DHRSX: variants seen among roughly 807,000 people sequenced by gnomAD.
DHRSX encodes polyprenol dehydrogenase.
DHRSX carries 31 observed loss-of-function variants against 34.0 expected under a neutral mutation model. The ratio of observed to expected loss-of-function variants is 0.91; its 90% confidence interval spans 0.69 to 1.23. DHRSX has a LOEUF of 1.23. DHRSX is among the 50% of genes most tolerant of loss of function. The probability of loss-of-function intolerance (pLI) is 0.00; values close to 1 mark genes in which losing one functional copy is unlikely to be tolerated. For missense variants in DHRSX, 414 were observed against 428.1 expected, an observed-to-expected ratio of 0.97 and a Z score of 0.29; for synonymous variants, 201 against 183.8, an observed-to-expected ratio of 1.09 and a Z score of -0.76.
chrX:2,290,429 T>C (rs35798408), intron 4 of DHRSX, among the ~76,000 whole-genome samples: 57,297 of 151,944 alleles, frequency 0.38, 11,852 homozygotes, highest in Middle Eastern at 0.52. Flanking sequence ...TTTATGAAAA[T>C]GGTACGTTAG....
At chrX:2,289,220 C>T (rs758750188) in intron 4 of DHRSX, among the ~76,000 whole-genome samples, 79 of 151,826 alleles carry the variant, frequency 5.2e-4, no homozygotes, top group Non-Finnish European at 9.3e-4. Context: ...CAGGTTCAAG[C>T]GATTCTCCTG....
intron 1 of DHRSX, among the ~76,000 whole-genome samples, chrX:2,463,482 C>T (rs946356236): frequency 6.6e-6 from 1 of 151,262 alleles, no homozygotes. Flanking sequence ...CACTAGAGGT[C>T]TCTGATGCGA....
chrX:2,227,086 CACCCTGCACCTGCACCCCAGCCA>C (rs1403395579), intron 6 of DHRSX, among the ~76,000 whole-genome samples: 3 of 152,008 alleles, frequency 2.0e-5, no homozygotes, highest in Non-Finnish European at 4.4e-5. Flanking sequence ...GCAGCTGGAG[CACCCTGCACCTGCACCCCAGCCA>C]GCCCTGCACC....
At chrX:2,454,926 A>G (rs1253686722) in intron 1 of DHRSX, among the ~76,000 whole-genome samples, 1 of 151,950 alleles carries the variant, frequency 6.6e-6, no homozygotes, top group Admixed American at 6.6e-5. Flanking sequence ...CAGCCTGTCC[A>G]ACATGGAGAA....
intron 1 of DHRSX, among the ~76,000 whole-genome samples, chrX:2,495,048 CATT>C (rs967530213): frequency 4.7e-5 from 7 of 150,392 alleles, no homozygotes; most frequent in African/African-American, 1.2e-4. Context: ...ATTCTATTGT[CATT>C]ATTATTATTA....
chrX:2,338,230 G>A (rs1456531121), intron 3 of DHRSX, among the ~76,000 whole-genome samples: 2 of 151,898 alleles, frequency 1.3e-5, no homozygotes, highest in Non-Finnish European at 2.9e-5. Flanking sequence ...CTACTTGGGA[G>A]GCTGAGGCAG....
chrX:2,324,602 G>A (rs1185475684), intron 3 of DHRSX, among the ~76,000 whole-genome samples: 1 of 152,130 alleles, frequency 6.6e-6, no homozygotes, highest in African/African-American at 2.4e-5. Flanking sequence ...CAGGGACCAT[G>A]TCCTATTCAC....
intron 1 of DHRSX, among the ~76,000 whole-genome samples, chrX:2,473,668 C>T (rs1219399093): frequency 7.1e-6 from 1 of 141,654 alleles, no homozygotes; most frequent in Non-Finnish European, 1.5e-5. Context: ...ACAGAGGCAG[C>T]CAGGACACAA....
At chrX:2,236,004 C>T (rs1434016239) in intron 6 of DHRSX, among the ~76,000 whole-genome samples, 3 of 151,598 alleles carry the variant, frequency 2.0e-5, no homozygotes, top group African/African-American at 4.8e-5. Flanking sequence ...CCCAGCTACT[C>T]GGGAGGCTGA....
chrX:2,449,140 GA>G (rs1447184628), intron 1 of DHRSX, among the ~76,000 whole-genome samples: 15 of 151,788 alleles, frequency 9.9e-5, no homozygotes, highest in African/African-American at 3.6e-4. Context: ...AGTGAGCTAA[GA>G]TCGCACCACT....
At chrX:2,458,946 C>A (rs991582711) in intron 1 of DHRSX, among the ~76,000 whole-genome samples, 1 of 151,854 alleles carries the variant, frequency 6.6e-6, no homozygotes, top group Non-Finnish European at 1.5e-5. Context: ...TCAAGACCAG[C>A]CTGAGCAACA....
At chrX:2,338,183 A>C (rs2042593846) in intron 3 of DHRSX, among the ~76,000 whole-genome samples, 1 of 151,068 alleles carries the variant, frequency 6.6e-6, no homozygotes, top group South Asian at 2.1e-4. Flanking sequence ...AAATGCAAAA[A>C]TTAGCCAGGC....
intron 5 of DHRSX, among the ~76,000 whole-genome samples, chrX:2,256,244 C>T (rs1268310793): frequency 6.6e-6 from 1 of 151,404 alleles, no homozygotes; most frequent in East Asian, 2.0e-4. Flanking sequence ...CCACCCCTCT[C>T]AGCCTCCCAA....
Position 2,464,014 on chromosome X carries a change from TAA to T in DHRSX, c.109+36801_109+36802del, listed in dbSNP as rs1169024002. On this transcript the variant is annotated intron_variant, in intron 1 of 6. Coordinates refer to ENST00000334651, the MANE Select transcript of DHRSX (RefSeq NM_145177.3). ...TGAAGACATTCGCTAAGAATATGGC[TAA>T]GAGACGGCCACCTGTACACACTGGA... Among the ~76,000 whole-genome samples the T allele has an allele frequency of 2.0e-5, 3 of 152,086 alleles. No individual in the cohort carries two copies. The South Asian group carries it at 6.2e-4, about 32-fold the overall frequency.
At chrX:2,337,557 C>G (rs1448966163) in intron 3 of DHRSX, among the ~76,000 whole-genome samples, 1 of 151,946 alleles carries the variant, frequency 6.6e-6, no homozygotes, top group Non-Finnish European at 1.5e-5. Flanking sequence ...GGGAGAAACA[C>G]TGATTGGAGA....
intron 3 of DHRSX, among the ~76,000 whole-genome samples, chrX:2,352,524 C>T (rs181784773): frequency 2.6e-5 from 4 of 152,070 alleles, no homozygotes; most frequent in Admixed American, 1.3e-4. Context: ...GCTCACCATG[C>T]GACAATTCTG....
intron 1 of DHRSX, among the ~76,000 whole-genome samples, chrX:2,473,385 A>C (rs1490039861): frequency 6.6e-6 from 1 of 152,100 alleles, no homozygotes; most frequent in Non-Finnish European, 1.5e-5. Context: ...ACATTTTGGG[A>C]GGCCGAGGCG....
chrX:2,490,175 T>A (rs2045093950), intron 1 of DHRSX: 1 of 1,613,884 alleles, frequency 6.2e-7, no homozygotes, highest in Non-Finnish European at 8.5e-7. Flanking sequence ...CAGGATCACC[T>A]CCCGGACGGC....
At chrX:2,282,552 G>C (rs1191670002) in intron 4 of DHRSX, among the ~76,000 whole-genome samples, 1 of 131,388 alleles carries the variant, frequency 7.6e-6, no homozygotes, top group Non-Finnish European at 1.7e-5. Context: ...GGAGAAGAGG[G>C]AGGGTGTGCG....
Sources: gnomAD v4.1 joint callset for allele counts (sites outside exome capture counted in the v4.1 genomes callset) on GRCh38, gnomAD v4.1.1 for gene constraint, MANE v1.5 for transcripts, NCBI Gene and HGNC (gene_info 2026-07-23, HGNC 2026-07-21) for gene names.